Variants in MGAT4A observed in about 807,000 individuals in gnomAD.
MGAT4A encodes N-acetylglucosaminyltransferase IVa.
In MGAT4A, 33 loss-of-function variants were observed where a neutral mutation model predicts 74.1. The ratio of observed to expected loss-of-function variants is 0.45; its 90% CI spans 0.34 to 0.60. The LOEUF is 0.60. MGAT4A is among the 20% of genes least tolerant of loss of function. The probability of loss-of-function intolerance (pLI) is 0.02; values close to 1 mark genes in which losing one functional copy is unlikely to be tolerated. For missense variants in MGAT4A, 479 were observed against 628.3 expected, an observed-to-expected ratio of 0.76 and a Z score of 2.54; for synonymous variants, 198 against 210.4, an observed-to-expected ratio of 0.94 and a Z score of 0.51.
chr2:98,697,986 TG>T (rs369870717), intron 2 of MGAT4A, among the ~76,000 whole-genome samples: 6 of 152,372 alleles, frequency 3.9e-5, no homozygotes, highest in African/African-American at 1.4e-4. Flanking sequence ...TCATTCTAAT[TG>T]CTGTTTATAA....
Position 98,697,791 on chromosome 2 carries a change from T to C in MGAT4A, c.95-19320A>G, listed in dbSNP as rs552787965. 5.3e-5 allele frequency among the ~76,000 whole-genome samples: 8 copies of C among 152,302 alleles called. No homozygotes were observed. The South Asian group carries it at 1.7e-3, about 32-fold the overall frequency. The stretch of plus-strand genomic sequence containing the variant: ...CAACTGAAAGGACTTCACCACAACG[T>C]TTGTCAGAGGAGCCCAGAACACTGC... On this transcript the variant is annotated intron_variant, in intron 2 of 15. Coordinates refer to ENST00000393487, the MANE Select transcript of MGAT4A (RefSeq NM_012214.3).
At chr2:98,636,858 C>T (rs1701329317) in intron 12 of MGAT4A, among the ~76,000 whole-genome samples, 1 of 152,074 alleles carries the variant, frequency 6.6e-6, no homozygotes, top group Non-Finnish European at 1.5e-5. Flanking sequence ...TAATAATGTA[C>T]CTAGATATTT....
At chr2:98,718,835 G>A (rs1480568891) in intron 2 of MGAT4A, among the ~76,000 whole-genome samples, 1 of 152,186 alleles carries the variant, frequency 6.6e-6, no homozygotes, top group East Asian at 1.9e-4. Context: ...GGGCTTGTAA[G>A]GCAGTGGTTC....
Position 98,678,464 on chromosome 2 carries a change from C to G in MGAT4A, c.102G>C (p.Leu34=). 1 of 1,569,920 alleles carries G rather than the reference C, an allele frequency of 6.4e-7. No homozygotes were observed. The highest frequency in any genetic ancestry group is 8.7e-7 in the Non-Finnish European group (1 of 1,151,772). The change falls in exon 3 of 16, where the codon CTG becomes CTC. Residue 34 remains leucine (L), a synonymous_variant. Coordinates refer to ENST00000393487, the MANE Select transcript of MGAT4A (RefSeq NM_012214.3). ...CAAGGAATTCTCGTTGATAAGCAATCAGTTTTTCTAGAAGCAAAACCAAAA... is the reference window on the plus strand; with the variant it reads ...CAAGGAATTCTCGTTGATAAGCAATGAGTTTTTCTAGAAGCAAAACCAAAA... ...YTTWQNGKEK[L]IAYQREFLAL...
intron 2 of MGAT4A, among the ~76,000 whole-genome samples, chr2:98,697,294 A>T (rs1307047373): frequency 6.6e-6 from 1 of 152,200 alleles, no homozygotes; most frequent in African/African-American, 2.4e-5. Context: ...AAAAATTCCA[A>T]TCTCTCACAC....
At position 98,639,827 on chromosome 2, in the gene MGAT4A, T is replaced by C. The variant is rs765066664; in HGVS notation, c.1303A>G (p.Lys435Glu). ...AGDYILFKFD[K>E]PVNVESYLFH... ...ACCAACCTTTCTACATTGACTGGTTTATCAAATTTAAACAAGATGTAGTCT... is the reference window on the plus strand; with the variant it reads ...ACCAACCTTTCTACATTGACTGGTTCATCAAATTTAAACAAGATGTAGTCT... Residue 435 changes from lysine to glutamate, a missense_variant, in exon 12 of 16, where the codon AAA becomes GAA. Lys to Glu is a moderately conservative substitution (Grantham distance 56). Transcript: ENST00000393487. The C allele has an allele frequency of 7.4e-6, 12 of 1,612,068 alleles. No homozygotes were observed. The highest frequency in any genetic ancestry group is 1.0e-5 in the Non-Finnish European group (12 of 1,179,260).
At position 98,678,437 on chromosome 2, in the gene MGAT4A, A is replaced by G. The variant is rs1702011035; in HGVS notation, c.129T>C (p.Ala43=). The change falls in exon 3 of 16, where the codon GCT becomes GCC. Residue 43 remains alanine (A), a synonymous_variant. Transcript: ENST00000393487. ...KLIAYQREFL[A]LKERLRIAEH... ...CAGCTATTCGAAGACGTTCTTTCAA[A>G]GCAAGGAATTCTCGTTGATAAGCAA... is the stretch of plus-strand genomic sequence containing the variant. The G allele has an allele frequency of 1.3e-6, 2 of 1,583,322 alleles. No homozygotes were observed. Among genetic ancestry groups the G allele is most frequent in the Non-Finnish European group, 8.6e-7 (1 of 1,159,990 alleles).
intron 2 of MGAT4A, among the ~76,000 whole-genome samples, chr2:98,711,197 CA>C (rs1382419998): frequency 7.4e-6 from 1 of 135,320 alleles, no homozygotes; most frequent in Non-Finnish European, 1.6e-5. Context: ...CCAGCCTGGG[CA>C]AAACTAAAAT....
chr2:98,702,005 C>G (rs1702361541), intron 2 of MGAT4A, among the ~76,000 whole-genome samples: 1 of 152,170 alleles, frequency 6.6e-6, no homozygotes, highest in Admixed American at 6.5e-5. Flanking sequence ...GCTCACAAAT[C>G]CTCTTCCCAC....
chr2:98,690,560 A>T (rs947253705), intron 2 of MGAT4A, among the ~76,000 whole-genome samples: 1 of 152,196 alleles, frequency 6.6e-6, no homozygotes, highest in Non-Finnish European at 1.5e-5. Context: ...TGTAAATAAA[A>T]GCCAGAGTCT....
intron 2 of MGAT4A, among the ~76,000 whole-genome samples, chr2:98,707,497 C>T (rs770661781): frequency 1.3e-5 from 2 of 152,152 alleles, no homozygotes; most frequent in African/African-American, 2.4e-5. Flanking sequence ...GCCACTTTCT[C>T]GTCCTTTAAT....
At chr2:98,730,621 C>G (rs541957490) in intron 1 of MGAT4A, among the ~76,000 whole-genome samples, 5 of 151,900 alleles carry the variant, frequency 3.3e-5, no homozygotes, top group South Asian at 4.2e-4. Flanking sequence ...TGTCCCTCCC[C>G]CTCCGCACCC....
rs149615266 is a variant in MGAT4A at position 98,644,695 on chromosome 2, G to A, written c.890-642C>T. Among the ~76,000 whole-genome samples the A allele has an allele frequency of 3.4e-3, 511 of 151,448 alleles. 9 individuals are homozygous for A. Among genetic ancestry groups the A allele is most frequent in the African/African-American group, 0.011 (470 of 41,200 alleles). On this transcript the variant is annotated intron_variant, in intron 9 of 15. Transcript: ENST00000393487. The stretch of plus-strand genomic sequence containing the variant: ...GTCCCCAAGGCTGGAATGCAGGGGC[G>A]CGATCTCAGCTCACTACAACCTCCA...
chr2:98,665,393 C>T (rs1456712398), intron 4 of MGAT4A, among the ~76,000 whole-genome samples: 1 of 151,182 alleles, frequency 6.6e-6, no homozygotes, highest in African/African-American at 2.4e-5. Context: ...ATGGATCTAC[C>T]ACCATGATTC....
chr2:98,655,008 A>G (rs1701637791), intron 8 of MGAT4A, among the ~76,000 whole-genome samples: 1 of 152,314 alleles, frequency 6.6e-6, no homozygotes, highest in African/African-American at 2.4e-5. Context: ...GTTAGAATTA[A>G]ATGTCAATTT....
chr2:98,728,364 TATC>T (rs1559178911), intron 1 of MGAT4A, among the ~76,000 whole-genome samples: 1 of 152,236 alleles, frequency 6.6e-6, no homozygotes, highest in African/African-American at 2.4e-5. Context: ...ATGCAGAAGT[TATC>T]ATTGTTCTCT....
intron 4 of MGAT4A, among the ~76,000 whole-genome samples, chr2:98,670,829 C>A (rs1036373311): frequency 2.6e-5 from 4 of 152,124 alleles, no homozygotes; most frequent in African/African-American, 9.7e-5. Flanking sequence ...TCCATTTCTG[C>A]GTCTTCAACC....
At chr2:98,715,995 C>T (rs1233746794) in intron 2 of MGAT4A, among the ~76,000 whole-genome samples, 1 of 152,210 alleles carries the variant, frequency 6.6e-6, no homozygotes, top group Non-Finnish European at 1.5e-5. Flanking sequence ...GACACATCAA[C>T]ATCACACACC....
At chr2:98,665,306 G>T (rs1332309488) in intron 4 of MGAT4A, among the ~76,000 whole-genome samples, 1 of 125,740 alleles carries the variant, frequency 8.0e-6, no homozygotes, top group Non-Finnish European at 1.6e-5. Flanking sequence ...ACCAGCCTGG[G>T]CAACACAGCA....
Sources: gnomAD v4.1 joint callset for allele counts (sites outside exome capture counted in the v4.1 genomes callset) on GRCh38, gnomAD v4.1.1 for gene constraint, MANE v1.5 for transcripts, NCBI Gene and HGNC (gene_info 2026-07-23, HGNC 2026-07-21) for gene names.